Variants in ANKS1B observed in about 807,000 individuals in gnomAD.
The protein encoded by ANKS1B is ankyrin repeat and sterile alpha motif domain containing 1B, also known as ankyrin repeat and sterile alpha motif domain-containing protein 1B.
Under a neutral mutation model 148.3 loss-of-function variants are expected in ANKS1B, and 36 were observed. The observed-to-expected ratio is 0.24, with a 90% CI of 0.19 to 0.32. ANKS1B has a LOEUF of 0.32. ANKS1B is among the 10% of genes least tolerant of loss of function. The pLI is 1.00. For missense variants in ANKS1B, 1,157 were observed against 1,542.6 expected, an observed-to-expected ratio of 0.75 and a Z score of 4.19; for synonymous variants, 542 against 560.8, an observed-to-expected ratio of 0.97 and a Z score of 0.47.
At chr12:99,183,481 A>C (rs1461790454) in intron 14 of ANKS1B, among the ~76,000 whole-genome samples, 6 of 152,260 alleles carry the variant, frequency 3.9e-5, no homozygotes, top group African/African-American at 9.6e-5. Context: ...ATCTCTACTA[A>C]AAATACAAAA....
At chr12:99,142,506 G>T (rs773898477) in intron 15 of ANKS1B, among the ~76,000 whole-genome samples, 33 of 152,130 alleles carry the variant, frequency 2.2e-4, no homozygotes, top group Middle Eastern at 6.8e-3. Context: ...AAAAAATCAG[G>T]TTATATCTGA....
At chr12:98,914,962 G>C (rs1008255543) in intron 17 of ANKS1B, among the ~76,000 whole-genome samples, 7 of 152,020 alleles carry the variant, frequency 4.6e-5, no homozygotes, top group African/African-American at 1.7e-4. Context: ...CTTCCTACTA[G>C]AATGTAAGCT....
At chr12:99,184,672 G>T (rs1020660094) in intron 14 of ANKS1B, among the ~76,000 whole-genome samples, 1 of 152,114 alleles carries the variant, frequency 6.6e-6, no homozygotes, top group East Asian at 1.9e-4. Context: ...ATCTAAGTTC[G>T]TCAAGAGTTA....
Position 99,157,172 on chromosome 12 carries a change from A to G in ANKS1B, c.2420-2777T>C, listed in dbSNP as rs144793022. ...AATTTTAATAGATTCTAGTTGCTCA[A>G]CATTACCTATAGGAGAAGCTAAAAA... is the stretch of plus-strand genomic sequence containing the variant. On this transcript the variant is annotated intron_variant, in intron 14 of 26. Coordinates refer to ENST00000683438, the MANE Select transcript of ANKS1B (RefSeq NM_001352186.2). Among the ~76,000 whole-genome samples, 85 of 152,306 alleles carry G rather than the reference A, an allele frequency of 5.6e-4. 1 individual carries two copies. The highest frequency in any genetic ancestry group is 2.0e-3 in the African/African-American group (82 of 41,566).
chr12:98,857,674 A>G (rs1265109414), intron 17 of ANKS1B, among the ~76,000 whole-genome samples: 1 of 152,300 alleles, frequency 6.6e-6, no homozygotes, highest in East Asian at 1.9e-4. Flanking sequence ...TAAATGAATG[A>G]AGGTGGCTAG....
chr12:98,744,013 A>G lies in ANKS1B; in HGVS notation c.*1726T>C, dbSNP rs962382354. The stretch of plus-strand genomic sequence containing the variant: ...TGTTTTATTTTTGTGTGCTTTTTTT[A>G]TAGGATATAAATAATGACAAAAATT... On this transcript the variant is annotated 3_prime_UTR_variant, in exon 27 of 27. Coordinates refer to ENST00000683438, the MANE Select transcript of ANKS1B (RefSeq NM_001352186.2). The G allele has an allele frequency of 1.0e-6, 1 of 983,894 alleles. No individual in the cohort carries two copies. Among genetic ancestry groups the G allele is most frequent in the Non-Finnish European group, 1.2e-6 (1 of 828,542 alleles). 60.9% of individuals were successfully genotyped at this position (983,894 alleles called of 1,614,324 possible). A position where few individuals can be genotyped will look rare whatever the true frequency, so the allele number is the denominator to read the frequency against.
chr12:99,203,011 T>C (rs1283776772), intron 14 of ANKS1B, among the ~76,000 whole-genome samples: 1 of 152,188 alleles, frequency 6.6e-6, no homozygotes, highest in Non-Finnish European at 1.5e-5. Context: ...TTAAAATACA[T>C]TACTTCTACC....
chr12:99,404,615 A>C (rs1254751378), intron 11 of ANKS1B, among the ~76,000 whole-genome samples: 1 of 145,452 alleles, frequency 6.9e-6, no homozygotes, highest in African/African-American at 2.6e-5. Context: ...AAGACAAAAG[A>C]AAAAAGAATA....
intron 17 of ANKS1B, among the ~76,000 whole-genome samples, chr12:98,853,744 G>C (rs1165992873): frequency 1.3e-5 from 2 of 152,166 alleles, no homozygotes; most frequent in Non-Finnish European, 2.9e-5. Flanking sequence ...TTGGTTATCT[G>C]TGCCTCCCTC....
At chr12:99,891,896 G>A (rs186611141) in intron 1 of ANKS1B, among the ~76,000 whole-genome samples, 4 of 152,250 alleles carry the variant, frequency 2.6e-5, no homozygotes, top group Non-Finnish European at 4.4e-5. Context: ...AGGAGGTAGG[G>A]GAATTTATAT....
intron 12 of ANKS1B, among the ~76,000 whole-genome samples, chr12:99,340,408 C>T (rs2089703488): frequency 6.6e-6 from 1 of 152,228 alleles, no homozygotes; most frequent in East Asian, 1.9e-4. Flanking sequence ...AACAGCAATA[C>T]AGTCATGTAT....
rs190372183 is a variant in ANKS1B, at chr12:99,836,025, T to C, written c.135-10636A>G. Among the ~76,000 whole-genome samples the C allele has an allele frequency of 6.8e-3, 1,032 of 152,316 alleles. 9 individuals carry two copies. Among genetic ancestry groups the C allele is most frequent in the South Asian group, 0.016 (76 of 4,828 alleles). ...CCCATATGAGTTTATTGAATGAATA[T>C]TTACTGAAATGTGCAAAACCATCTA... On this transcript the variant is annotated intron_variant, in intron 1 of 26. Transcript: ENST00000683438.
chr12:99,716,885 G>A (rs911112590), intron 8 of ANKS1B, among the ~76,000 whole-genome samples: 125 of 152,146 alleles, frequency 8.2e-4, no homozygotes, highest in Non-Finnish European at 1.5e-3. Context: ...CTCAGCCTCT[G>A]CTTCTCCACC....
At chr12:99,676,827 G>A (rs2098576124) in intron 8 of ANKS1B, among the ~76,000 whole-genome samples, 18 of 152,132 alleles carry the variant, frequency 1.2e-4, no homozygotes. Context: ...AGTACTTACT[G>A]TTGGCAAGAA....
chr12:99,966,182 G>A (rs1334461643), intron 1 of ANKS1B, among the ~76,000 whole-genome samples: 2 of 152,084 alleles, frequency 1.3e-5, no homozygotes, highest in Admixed American at 1.3e-4. Context: ...TGGGATCTGA[G>A]GAATAAATGG....
chr12:98,833,208 T>C (rs2099336693), intron 17 of ANKS1B, among the ~76,000 whole-genome samples: 1 of 152,164 alleles, frequency 6.6e-6, no homozygotes, highest in Non-Finnish European at 1.5e-5. Context: ...TGGAAGGAGT[T>C]CTCACTTGAC....
chr12:99,030,658 G>A (rs1350393970), intron 17 of ANKS1B, among the ~76,000 whole-genome samples: 1 of 151,978 alleles, frequency 6.6e-6, no homozygotes, highest in Non-Finnish European at 1.5e-5. Context: ...CCCTGAATGT[G>A]GTTCTTATTG....
chr12:99,900,503 C>T (rs1264402794), intron 1 of ANKS1B, among the ~76,000 whole-genome samples: 1 of 78,660 alleles, frequency 1.3e-5, no homozygotes, highest in African/African-American at 6.2e-5. Context: ...GAGACTCCAT[C>T]TCAAAAAAAA....
chr12:98,988,758 A>T (rs2099924927), intron 17 of ANKS1B, among the ~76,000 whole-genome samples: 1 of 151,972 alleles, frequency 6.6e-6, no homozygotes, highest in African/African-American at 2.4e-5. Context: ...CCTCACTAAC[A>T]CTTGCTATCT....
Sources: allele counts gnomAD v4.1 joint callset (sites outside exome capture counted in the v4.1 genomes callset), GRCh38; gene constraint gnomAD v4.1.1; transcripts MANE v1.5; gene names NCBI Gene and HGNC (gene_info 2026-07-23, HGNC 2026-07-21).